RAB17: variants seen among roughly 807,000 people sequenced by gnomAD.
RAB17 encodes RAB17, member RAS oncogene family, also known as ras-related protein Rab-17.
In RAB17, 15 loss-of-function variants were observed where a neutral mutation model predicts 19.3. That is an observed-to-expected ratio of 0.78 (90% CI 0.52 to 1.20). The LOEUF (loss-of-function observed/expected upper bound fraction) is 1.20, where lower values mean the gene tolerates loss of function less well. Among genes scored for constraint, RAB17 ranks in the 50% most tolerant of loss-of-function variants. The pLI is 0.00. For missense variants in RAB17, 262 were observed against 269.3 expected (o/e 0.97, Z 0.19); for synonymous variants, 110 against 112.8 (o/e 0.97, Z 0.16).
intron 1 of RAB17, among the ~76,000 whole-genome samples, chr2:237,589,356 C>T (rs2081375237): frequency 6.6e-6 from 1 of 152,068 alleles, no homozygotes. Context: ...CTCCTAAAAA[C>T]AAACCAAAAC....
In RAB17 at chr2:237,574,595, C is replaced by T. The variant is rs1335306976; in HGVS notation, c.*424G>A. ...GGCACCACCACCTCCATCTGGCCTG[C>T]TCCCCAACCCCCCAGAAGCAGGTGG... On this transcript the variant is annotated 3_prime_UTR_variant, in exon 6 of 6. Transcript: ENST00000264601. 1.9e-6 allele frequency: 3 copies of T among 1,541,876 alleles called. No homozygotes were observed. The highest frequency in any genetic ancestry group is 2.5e-5 in the East Asian group (1 of 40,624).
intron 1 of RAB17, among the ~76,000 whole-genome samples, chr2:237,587,181 T>C (rs569447477): frequency 6.6e-6 from 1 of 152,378 alleles, no homozygotes; most frequent in African/African-American, 2.4e-5. Context: ...CAGTTGTCTT[T>C]CTGTGATGTT....
At chr2:237,579,248 C>A (rs2081290307) in intron 2 of RAB17, 1 of 152,178 alleles carries the variant, frequency 6.6e-6, no homozygotes, top group Non-Finnish European at 1.5e-5. Flanking sequence ...GCAAATGGAG[C>A]CACATGTTTA....
Position 237,578,942 on chromosome 2 carries a change from A to ACACACACAC in RAB17, c.158-788_158-787insGTGTGTGTG, listed in dbSNP as rs1454322654. ...ACACACACACACACACACACACACA[A>ACACACACAC]CTACTCCCAAGCACTTTAACATATT... On this transcript the variant is annotated intron_variant, in intron 2 of 5. Coordinates refer to ENST00000264601, the MANE Select transcript of RAB17 (RefSeq NM_022449.4). The ACACACACAC allele has an allele frequency of 3.3e-5, 4 of 121,556 alleles. No homozygotes were observed. In the East Asian group the frequency reaches 1.1e-3, roughly 33 times the overall value. 7.5% of individuals were successfully genotyped at this position (121,556 alleles called of 1,614,324 possible).
intron 1 of RAB17, among the ~76,000 whole-genome samples, chr2:237,586,916 C>T (rs959911881): frequency 6.6e-6 from 1 of 151,306 alleles, no homozygotes; most frequent in Non-Finnish European, 1.5e-5. Context: ...GGCATTCTAT[C>T]ATCTGCAAAT....
chr2:237,585,967 A>T (rs772682170), intron 2 of RAB17, 31 bp downstream of exon 2: 1 of 1,560,174 alleles, frequency 6.4e-7, no homozygotes, highest in East Asian at 2.3e-5. Context: ...TGCACTGAAG[A>T]CCAACAAAGG....
intron 1 of RAB17, among the ~76,000 whole-genome samples, chr2:237,586,992 G>A (rs575852052): frequency 1.7e-4 from 26 of 152,310 alleles, no homozygotes; most frequent in Admixed American, 1.6e-3. Context: ...AGGTTGTCCT[G>A]TAGATTTCCA....
At chr2:237,587,049 A>G (rs1003217399) in intron 1 of RAB17, among the ~76,000 whole-genome samples, 4 of 152,200 alleles carry the variant, frequency 2.6e-5, no homozygotes, top group African/African-American at 7.2e-5. Flanking sequence ...ATAGAGTCCT[A>G]TGAACTCTGT....
At chr2:237,587,595 T>C (rs756191953) in intron 1 of RAB17, among the ~76,000 whole-genome samples, 3 of 152,138 alleles carry the variant, frequency 2.0e-5, no homozygotes, top group East Asian at 1.9e-4. Flanking sequence ...GAGTCCTAGA[T>C]ACCAAGAAGA....
At chr2:237,589,611 A>G (rs1051104634) in intron 1 of RAB17, among the ~76,000 whole-genome samples, 5 of 104,808 alleles carry the variant, frequency 4.8e-5, no homozygotes, top group African/African-American at 4.3e-4. Flanking sequence ...AGCTTTCAAT[A>G]ATGAGAGGTT....
chr2:237,587,897 G>A (rs1398567818), intron 1 of RAB17, among the ~76,000 whole-genome samples: 1 of 151,948 alleles, frequency 6.6e-6, no homozygotes, highest in Non-Finnish European at 1.5e-5. Context: ...GGTGATCTCA[G>A]TATGCAGCCA....
chr2:237,577,647 G>A lies in RAB17; in HGVS notation c.310-265C>T, dbSNP rs537648388. The A allele has an allele frequency of 1.6e-3, 803 of 486,974 alleles. 17 individuals are homozygous for A. In the South Asian group the frequency reaches 0.022, roughly 13 times the overall value. 30.2% of individuals were successfully genotyped at this position (486,974 alleles called of 1,614,324 possible). A position where few individuals can be genotyped will look rare whatever the true frequency, so the allele number is the denominator to read the frequency against. On this transcript the variant is annotated intron_variant, in intron 3 of 5. Transcript: ENST00000264601. ...GGCCCAGGAGACTGCCAGCCACGGGGTATTTCAGGTCAGGCCTCGAGCTCC... is the reference window on the plus strand; with the variant it reads ...GGCCCAGGAGACTGCCAGCCACGGGATATTTCAGGTCAGGCCTCGAGCTCC...
chr2:237,581,023 A>G (rs1244705844), intron 2 of RAB17, among the ~76,000 whole-genome samples: 1 of 152,098 alleles, frequency 6.6e-6, no homozygotes, highest in Non-Finnish European at 1.5e-5. Context: ...TGCATTTATT[A>G]TCATAACCTT....
chr2:237,575,027 C>G lies in RAB17; in HGVS notation c.631G>C (p.Ala211Pro). The change falls in exon 6 of 6, where the codon GCC becomes CCC. Residue 211 changes from alanine to proline, a missense_variant. By Grantham distance (27) the Ala-to-Pro change is conservative. Coordinates refer to ENST00000264601, the MANE Select transcript of RAB17 (RefSeq NM_022449.4). ...CCCAGGAGTGGCTGCACCTAGTGGG[C>G]GCAGCATTTGGCCTGCCTCGCGGGC... ...KGPARQAKCC[A>P]H is the part of the protein sequence containing the mutation. The G allele has an allele frequency of 1.2e-6, 2 of 1,609,120 alleles. No individual in the cohort carries two copies. The highest frequency in any genetic ancestry group is 1.7e-6 in the Non-Finnish European group (2 of 1,177,098).
In RAB17 at chr2:237,577,997, G is replaced by A; in HGVS notation, c.309+7C>T. ...GAGGGTGGGACGTGCCTCAAGGCGG[G>A]CCCTACCTTCCTGGTGATGTCGTAC... On this transcript the variant is annotated splice_region_variant and intron_variant, in intron 3 of 5. Coordinates refer to ENST00000264601, the MANE Select transcript of RAB17 (RefSeq NM_022449.4). The A allele has an allele frequency of 6.3e-7, 1 of 1,595,654 alleles. No individual in the cohort carries two copies. Among genetic ancestry groups the A allele is most frequent in the Non-Finnish European group, 8.6e-7 (1 of 1,165,718 alleles).
chr2:237,576,696 T>G, intron 4 of RAB17: 1 of 471,182 alleles, frequency 2.1e-6, no homozygotes. Flanking sequence ...TCGTCCTAAA[T>G]GTGGTGGGGG....
chr2:237,575,853 G>A (rs940356390), intron 4 of RAB17: 8 of 224,454 alleles, frequency 3.6e-5, no homozygotes, highest in East Asian at 3.1e-4. Context: ...GCCCCTGGAC[G>A]GCACCCACCT....
intron 1 of RAB17, among the ~76,000 whole-genome samples, chr2:237,589,589 T>A (rs13394399): frequency 0.19 from 28,891 of 152,170 alleles, 5,201 homozygotes; most frequent in African/African-American, 0.47. Context: ...TTTTGTGTGA[T>A]TGAGTGTTGT....
rs1301007565 is a variant in RAB17, at chr2:237,577,408, T to C, written c.310-26A>G. 4 of 1,588,342 alleles carry C rather than the reference T, an allele frequency of 2.5e-6. No homozygotes were observed. In the Admixed American group the frequency reaches 5.2e-5, roughly 21 times the overall value. ...CTAGAAAAGAAGAAAAAAAGTAACA[T>C]CAAACAAAACTTATAGGTGGTCATT... On this transcript the variant is annotated intron_variant, in intron 3 of 5. Transcript: ENST00000264601.
Sources: allele counts gnomAD v4.1 joint callset (sites outside exome capture counted in the v4.1 genomes callset), GRCh38; gene constraint gnomAD v4.1.1; transcripts MANE v1.5; gene names NCBI Gene and HGNC (gene_info 2026-07-23, HGNC 2026-07-21).